Variants in EPHA3 observed in about 807,000 individuals in gnomAD.
The protein encoded by EPHA3 is EPH receptor A3.
EPHA3 carries 42 observed loss-of-function variants against 107.1 expected under a neutral mutation model. The observed-to-expected ratio is 0.39, with a 90% CI of 0.31 to 0.51. The LOEUF is 0.51. Ranked by LOEUF, EPHA3 falls within the 20% of genes least tolerant of loss-of-function variation. The pLI is 0.78. For missense variants in EPHA3, 1,183 were observed against 1,211.2 expected, an observed-to-expected ratio of 0.98 and a Z score of 0.35; for synonymous variants, 461 against 424.8, an observed-to-expected ratio of 1.09 and a Z score of -1.05.
chr3:89,206,626 G>T (rs1480199864), intron 2 of EPHA3, among the ~76,000 whole-genome samples: 1 of 152,104 alleles, frequency 6.6e-6, no homozygotes, highest in African/African-American at 2.4e-5. Flanking sequence ...TAACACCAGA[G>T]ATTTTTGGAG....
rs779374366 is a variant in EPHA3 at position 89,350,876 on chromosome 3, T to G, written c.1306+8786T>G. On this transcript the variant is annotated intron_variant, in intron 5 of 16. Transcript: ENST00000336596. ...TGCAGGTCTGTTGGAATACCCTGCC[T>G]TGTGAGGTGTCAGTGTGCCCCTGCT... Among the ~76,000 whole-genome samples the G allele has an allele frequency of 6.1e-3, 927 of 151,224 alleles. 30 individuals are homozygous for G. The highest frequency in any genetic ancestry group is 8.5e-3 in the Non-Finnish European group (576 of 67,494).
intron 3 of EPHA3, among the ~76,000 whole-genome samples, chr3:89,319,992 G>A (rs1339009551): frequency 1.3e-5 from 2 of 151,696 alleles, no homozygotes; most frequent in Admixed American, 6.6e-5. Context: ...GGTACCTACA[G>A]GCAAAACAAG....
intron 3 of EPHA3, among the ~76,000 whole-genome samples, chr3:89,281,614 T>C (rs1430013611): frequency 6.6e-6 from 1 of 152,194 alleles, no homozygotes; most frequent in Non-Finnish European, 1.5e-5. Context: ...AAATAATATA[T>C]GCAATGCAAA....
intron 5 of EPHA3, among the ~76,000 whole-genome samples, chr3:89,395,334 A>G (rs1280886420): frequency 6.6e-6 from 1 of 152,172 alleles, no homozygotes; most frequent in Admixed American, 6.5e-5. Flanking sequence ...CTATTTTACA[A>G]TATACTAAAT....
intron 3 of EPHA3, 72 bp from the exon 4 acceptor site, chr3:89,340,844 T>TA: frequency 3.6e-6 from 5 of 1,380,596 alleles, no homozygotes; most frequent in Non-Finnish European, 3.8e-6. Flanking sequence ...TATTCGAACT[T>TA]ACTTAAATCT....
At chr3:89,247,863 T>A (rs1705072386) in intron 3 of EPHA3, among the ~76,000 whole-genome samples, 1 of 152,136 alleles carries the variant, frequency 6.6e-6, no homozygotes, top group Non-Finnish European at 1.5e-5. Flanking sequence ...GATGAAATTG[T>A]CTATAGAGAC....
chr3:89,427,943 T>C (rs1035550076), intron 11 of EPHA3, among the ~76,000 whole-genome samples: 10 of 151,996 alleles, frequency 6.6e-5, no homozygotes, highest in Admixed American at 2.0e-4. Flanking sequence ...TACATAATCT[T>C]CTTAATTGTT....
At chr3:89,244,189 A>G (rs971110868) in intron 3 of EPHA3, among the ~76,000 whole-genome samples, 1 of 152,140 alleles carries the variant, frequency 6.6e-6, no homozygotes, top group Non-Finnish European at 1.5e-5. Flanking sequence ...ATTGGCTCAT[A>G]ATAAAATATT....
chr3:89,310,278 A>G (rs1706732734), intron 3 of EPHA3, among the ~76,000 whole-genome samples: 1 of 152,114 alleles, frequency 6.6e-6, no homozygotes, highest in East Asian at 1.9e-4. Context: ...GGAAAAAGAT[A>G]CAATATAATA....
At chr3:89,313,642 C>A (rs1706822904) in intron 3 of EPHA3, among the ~76,000 whole-genome samples, 2 of 151,808 alleles carry the variant, frequency 1.3e-5, no homozygotes, top group Admixed American at 1.3e-4. Flanking sequence ...AGGTTCCATG[C>A]TGTTGTTTCC....
rs767928593 is a variant in EPHA3, at chr3:89,395,932, T to C, written c.1402T>C (p.Leu468=). Residue 468 remains leucine, a synonymous_variant, in exon 6 of 17, where the codon TTG becomes CTG. Coordinates refer to ENST00000336596, the MANE Select transcript of EPHA3 (RefSeq NM_005233.6). ...ACCTGAACATCCTAATGGGATCATA[T>C]TGGACTACGAGGTCAAATACTATGA... ...QEPEHPNGII[L]DYEVKYYEKQ... 7 of 1,614,044 alleles carry C rather than the reference T, an allele frequency of 4.3e-6. No homozygotes were observed. Among genetic ancestry groups the C allele is most frequent in the East Asian group, 2.2e-5 (1 of 44,878 alleles).
At chr3:89,193,388 A>T (rs1278651871) in intron 2 of EPHA3, among the ~76,000 whole-genome samples, 1 of 152,026 alleles carries the variant, frequency 6.6e-6, no homozygotes, top group Non-Finnish European at 1.5e-5. Flanking sequence ...CAATTTGATA[A>T]TCCTATTTTT....
At chr3:89,354,485 C>T (rs1295328243) in intron 5 of EPHA3, among the ~76,000 whole-genome samples, 1 of 150,704 alleles carries the variant, frequency 6.6e-6, no homozygotes, top group East Asian at 1.9e-4. Context: ...AAAAAAAATA[C>T]ATCCCTTTCT....
At chr3:89,319,059 C>A (rs1356081277) in intron 3 of EPHA3, among the ~76,000 whole-genome samples, 1 of 151,912 alleles carries the variant, frequency 6.6e-6, no homozygotes, top group Non-Finnish European at 1.5e-5. Flanking sequence ...TCAGTATTCA[C>A]CATTTGTCAT....
intron 3 of EPHA3, among the ~76,000 whole-genome samples, chr3:89,304,085 A>G (rs1353893612): frequency 6.6e-6 from 1 of 151,996 alleles, no homozygotes; most frequent in African/African-American, 2.4e-5. Context: ...TCTCTGTTGT[A>G]TCCCCAGCCC....
At chr3:89,137,843 G>T (rs1303847401) in intron 2 of EPHA3, among the ~76,000 whole-genome samples, 1 of 151,890 alleles carries the variant, frequency 6.6e-6, no homozygotes, top group Non-Finnish European at 1.5e-5. Flanking sequence ...AAGGCAGTTT[G>T]ATATACATAA....
chr3:89,419,452 A>T (rs1473034438), intron 11 of EPHA3, 62 bp downstream of exon 11: 40 of 1,415,668 alleles, frequency 2.8e-5, no homozygotes, highest in Non-Finnish European at 3.8e-5. Flanking sequence ...TTTAAACCCA[A>T]CCCCAACCAT....
Position 89,482,030 on chromosome 3 carries a change from A to G in EPHA3, c.*2528A>G. The G allele has an allele frequency of 4.5e-6, 1 of 221,706 alleles. No individual in the cohort carries two copies. Among genetic ancestry groups the G allele is most frequent in the Non-Finnish European group, 9.1e-6 (1 of 110,426 alleles). The allele number at this position is 221,706 out of a possible 1,614,324, so 13.7% of individuals were successfully genotyped here. ...GTCTTTTCAAAATATTACTCAGTTT[A>G]TGTTGTACAATGTAGATGGCCTCTT... is the stretch of plus-strand genomic sequence containing the variant. On this transcript the variant is annotated 3_prime_UTR_variant, in exon 17 of 17. Coordinates refer to ENST00000336596, the MANE Select transcript of EPHA3 (RefSeq NM_005233.6).
At chr3:89,449,163 G>T in intron 13 of EPHA3, 62 bp from the exon 14 acceptor site, 1 of 1,403,756 alleles carries the variant, frequency 7.1e-7, no homozygotes, top group Non-Finnish European at 9.5e-7. Flanking sequence ...TTCAGATTAT[G>T]TTATGTATAT....
Sources: allele counts gnomAD v4.1 joint callset (sites outside exome capture counted in the v4.1 genomes callset), GRCh38; gene constraint gnomAD v4.1.1; transcripts MANE v1.5; gene names NCBI Gene and HGNC (gene_info 2026-07-23, HGNC 2026-07-21).